FANCI: variants seen among roughly 807,000 people sequenced by gnomAD.
FANCI encodes FA complementation group I.
In FANCI, 156 loss-of-function variants were observed where a neutral mutation model predicts 176.1. That is an observed-to-expected ratio of 0.89 (90% CI 0.78 to 1.01). FANCI has a LOEUF of 1.01. Ranked by LOEUF, FANCI falls within the 50% of genes least tolerant of loss-of-function variation. FANCI has a pLI of 0.00. For missense variants in FANCI, 1,678 were observed against 1,534.1 expected, an observed-to-expected ratio of 1.09 and a Z score of -1.57; for synonymous variants, 613 against 541.7, an observed-to-expected ratio of 1.13 and a Z score of -1.83.
chr15:89,303,932 G>C lies in FANCI; in HGVS notation c.3058+17G>C, dbSNP rs1052709430. ...ACAGCCGGGGTAAGTTTACTGCCAT[G>C]TTTTCCTAAAGGCTTTATATAAAAT... On this transcript the variant is annotated intron_variant, in intron 28 of 37. Transcript: ENST00000310775. The C allele has an allele frequency of 6.2e-7, 1 of 1,612,728 alleles. No individual in the cohort carries two copies. The highest frequency in any genetic ancestry group is 1.7e-5 in the Admixed American group (1 of 59,996).
intron 10 of FANCI, among the ~76,000 whole-genome samples, chr15:89,271,237 T>TC (rs2053189069): frequency 6.6e-6 from 1 of 152,220 alleles, no homozygotes; most frequent in Non-Finnish European, 1.5e-5. Context: ...TACCTAGTTT[T>TC]GTAACTGTCA....
chr15:89,291,841 C>T (rs2054082451), intron 20 of FANCI, 127 bp downstream of exon 20: 1 of 761,354 alleles, frequency 1.3e-6, no homozygotes, highest in East Asian at 2.6e-5. Context: ...ACTTTTAAGT[C>T]TTCCCTGCTT....
At position 89,313,102 on chromosome 15, in the gene FANCI, T is replaced by C. The variant is rs1033479435; in HGVS notation, c.3720+130T>C. On this transcript the variant is annotated intron_variant, in intron 35 of 37. Transcript: ENST00000310775. Reference sequence around the variant, plus strand: ...TTCATGAAGTGCCCAGAATAAATCATCTAAAAAGGCAAACTAGATTAGTGG... The same window carrying C: ...TTCATGAAGTGCCCAGAATAAATCACCTAAAAAGGCAAACTAGATTAGTGG... The C allele has an allele frequency of 2.3e-5, 21 of 910,226 alleles. No individual in the cohort carries two copies. The African/African-American group carries it at 3.3e-4, about 14-fold the overall frequency. 56.4% of individuals were successfully genotyped at this position (910,226 alleles called of 1,614,324 possible).
chr15:89,256,618 C>T (rs1006784419), intron 2 of FANCI, among the ~76,000 whole-genome samples: 4 of 152,102 alleles, frequency 2.6e-5, no homozygotes, highest in Non-Finnish European at 5.9e-5. Context: ...TGTTTCTCTT[C>T]TTTATATTCT....
At chr15:89,284,161 A>AT (rs1850506195) in intron 17 of FANCI, among the ~76,000 whole-genome samples, 1 of 152,182 alleles carries the variant, frequency 6.6e-6, no homozygotes, top group Non-Finnish European at 1.5e-5. Flanking sequence ...CTGAGGCTAG[A>AT]TACTATTATT....
intron 25 of FANCI, 89 bp from the exon 26 acceptor site, chr15:89,300,208 CTTT>C: frequency 7.7e-7 from 1 of 1,291,020 alleles, no homozygotes; most frequent in Non-Finnish European, 1.1e-6. Context: ...TGCCTTTAGA[CTTT>C]TTTTTGGCTT....
chr15:89,290,170 A>G, intron 18 of FANCI, 43 bp from the exon 19 acceptor site: 1 of 1,408,892 alleles, frequency 7.1e-7, no homozygotes, highest in Non-Finnish European at 1.0e-6. Context: ...GATCACTAGT[A>G]TCTCTGTTAA....
intron 11 of FANCI, 107 bp from the exon 12 acceptor site, chr15:89,274,061 C>A: frequency 2.4e-6 from 2 of 845,260 alleles, no homozygotes; most frequent in Non-Finnish European, 3.7e-6. Flanking sequence ...AGATTTATAG[C>A]ATGAGCTATA....
At chr15:89,293,777 G>C (rs1168418049) in intron 22 of FANCI, 56 bp from the exon 23 acceptor site, 1 of 1,533,392 alleles carries the variant, frequency 6.5e-7, no homozygotes, top group Admixed American at 1.7e-5. Flanking sequence ...ATATGTAAAA[G>C]TAAACCACAA....
At chr15:89,264,877 C>G (rs2052872958) in intron 9 of FANCI, among the ~76,000 whole-genome samples, 1 of 152,148 alleles carries the variant, frequency 6.6e-6, no homozygotes, top group Non-Finnish European at 1.5e-5. Flanking sequence ...AACTGTTTAG[C>G]CTTGGGGCTA....
intron 32 of FANCI, 120 bp from the exon 33 acceptor site, chr15:89,307,356 C>T (rs2054763594): frequency 1.1e-6 from 1 of 938,442 alleles, no homozygotes; most frequent in Non-Finnish European, 1.7e-6. Flanking sequence ...CTTGGCTTCT[C>T]TGTGAATTTT....
At chr15:89,267,103 T>C (rs1018445877) in intron 9 of FANCI, among the ~76,000 whole-genome samples, 2 of 152,062 alleles carry the variant, frequency 1.3e-5, no homozygotes, top group East Asian at 1.9e-4. Flanking sequence ...GGCAGATTGC[T>C]TGAGCTCAGG....
intron 17 of FANCI, among the ~76,000 whole-genome samples, chr15:89,284,863 T>G (rs1033317136): frequency 6.6e-6 from 1 of 152,192 alleles, no homozygotes; most frequent in African/African-American, 2.4e-5. Flanking sequence ...CAAGGAAACC[T>G]TAAGGAATAT....
In FANCI at chr15:89,276,820, C is replaced by T. The variant is rs1281730489; in HGVS notation, c.1222C>T (p.Pro408Ser). Reference protein sequence around the residue: ...VLDGKTIETSPSLSRMPNQHA... With the variant: ...VLDGKTIETSSSLSRMPNQHA... ...TGATGGAAAAACTATTGAAACCAGCCCAAGTCTTTCTAGAATGCCAAACCA... is the reference window on the plus strand; with the variant it reads ...TGATGGAAAAACTATTGAAACCAGCTCAAGTCTTTCTAGAATGCCAAACCA... The change falls in exon 13 of 38, where the codon CCA becomes TCA. Residue 408 changes from proline (P) to serine (S), a missense_variant. Transcript: ENST00000310775. 34 of 1,614,068 alleles carry T rather than the reference C, an allele frequency of 2.1e-5. No homozygotes were observed. Among genetic ancestry groups the T allele is most frequent in the Non-Finnish European group, 2.9e-5 (34 of 1,180,024 alleles).
Position 89,316,759 on chromosome 15 carries a change from C to G in FANCI, c.*300C>G, listed in dbSNP as rs1024234712. 8.1e-6 allele frequency: 13 copies of G among 1,612,552 alleles called. No individual in the cohort carries two copies. Among genetic ancestry groups the G allele is most frequent in the African/African-American group, 2.7e-5 (2 of 74,920 alleles). On this transcript the variant is annotated 3_prime_UTR_variant, in exon 38 of 38. Coordinates refer to ENST00000310775, the MANE Select transcript of FANCI (RefSeq NM_001113378.2). ...AGAGCCTCCAGGCAGTGCTATGGTC[C>G]AGGCTGGCTTCGTTTTTCCAAGGAG... is the stretch of plus-strand genomic sequence containing the variant.
chr15:89,302,459 T>G (rs2151874815), intron 27 of FANCI, among the ~76,000 whole-genome samples: 1 of 152,342 alleles, frequency 6.6e-6, no homozygotes. Flanking sequence ...TTAGGAAGGC[T>G]AAAATGTTCA....
intron 10 of FANCI, among the ~76,000 whole-genome samples, chr15:89,270,128 TC>T (rs1390342178): frequency 6.6e-6 from 1 of 152,078 alleles, no homozygotes; most frequent in East Asian, 1.9e-4. Flanking sequence ...ATTTTTTTTT[TC>T]CCCCAACCAT....
rs2052852283 is a variant in FANCI at position 89,264,453 on chromosome 15, C to T, written c.670-69C>T. On this transcript the variant is annotated intron_variant, in intron 8 of 37. Coordinates refer to ENST00000310775, the MANE Select transcript of FANCI (RefSeq NM_001113378.2). ...ACTGGAGAATTCTTTAAGCTGAAAACTACTTTGAATTCAAATTGGTTATTT... is the reference window on the plus strand; with the variant it reads ...ACTGGAGAATTCTTTAAGCTGAAAATTACTTTGAATTCAAATTGGTTATTT... 6.9e-6 allele frequency: 9 copies of T among 1,302,700 alleles called. No individual in the cohort carries two copies. In the East Asian group the frequency reaches 1.7e-4, roughly 24 times the overall value. 80.7% of individuals were successfully genotyped at this position (1,302,700 alleles called of 1,614,324 possible).
intron 34 of FANCI, among the ~76,000 whole-genome samples, chr15:89,311,822 C>G (rs1016449005): frequency 3.9e-5 from 6 of 152,118 alleles, no homozygotes; most frequent in Non-Finnish European, 8.8e-5. Flanking sequence ...ATGGTATGTT[C>G]CCTTCCTAAG....
Sources: gnomAD v4.1 joint callset for allele counts (sites outside exome capture counted in the v4.1 genomes callset) on GRCh38, gnomAD v4.1.1 for gene constraint, MANE v1.5 for transcripts, NCBI Gene and HGNC (gene_info 2026-07-23, HGNC 2026-07-21) for gene names.